The following ZNF667 variants were observed in gnomAD, a reference collection of about 807,000 sequenced individuals.
ZNF667 encodes the protein zinc finger protein 667, also known as myocardial ischemic preconditioning upregulated 1 ortholog.
In ZNF667, 13 loss-of-function variants were observed where a neutral mutation model predicts 31.8. The observed-to-expected ratio is 0.41, with a 90% CI of 0.27 to 0.65. The LOEUF is 0.65. Ranked by LOEUF, ZNF667 falls within the 30% of genes least tolerant of loss-of-function variation. The pLI, the probability that ZNF667 is intolerant of heterozygous loss-of-function variation, is 0.32. For synonymous variants in ZNF667, 228 were observed against 247.1 expected (o/e 0.92, Z 0.73); for missense variants, 642 against 725.6 (o/e 0.88, Z 1.32).
chr19:56,457,032 C>T (rs2042946538), intron 6 of ZNF667, among the ~76,000 whole-genome samples: 1 of 152,046 alleles, frequency 6.6e-6, no homozygotes, highest in Non-Finnish European at 1.5e-5. Context: ...GAGGTGGTGC[C>T]GTTTTCTCCC....
intron 5 of ZNF667, among the ~76,000 whole-genome samples, chr19:56,459,664 C>T (rs1242908384): frequency 6.6e-6 from 1 of 152,164 alleles, no homozygotes; most frequent in Non-Finnish European, 1.5e-5. Flanking sequence ...CACTATTCAC[C>T]TTTCAACAAC....
At chr19:56,462,265 G>T in intron 4 of ZNF667, 73 bp downstream of exon 4, 1 of 1,584,296 alleles carries the variant, frequency 6.3e-7, no homozygotes, top group Non-Finnish European at 8.7e-7. Context: ...AGTCTCCATG[G>T]AAGGAAAGCA....
At position 56,442,216 on chromosome 19, in the gene ZNF667, T is replaced by A. The variant is rs3760849; in HGVS notation, c.779A>T (p.Lys260Ile). 5.9e-5 allele frequency: 96 copies of A among 1,613,868 alleles called. No homozygotes were observed. Among genetic ancestry groups the A allele is most frequent in the Non-Finnish European group, 8.0e-5 (94 of 1,179,970 alleles). The change falls in exon 7 of 7, where the codon AAA becomes ATA. Residue 260 changes from lysine to isoleucine, a missense_variant. Coordinates refer to ENST00000504904, the MANE Select transcript of ZNF667 (RefSeq NM_001321356.2). ...AAGGGATGACATCTGATTGAAGGCT[T>A]TTCCGCACTTTCTGCACTGGCAGAC... ...GNVCQCRKCG[K>I]AFNQMSSLLL...
chr19:56,473,225 C>T (rs796939854), intron 2 of ZNF667, among the ~76,000 whole-genome samples: 5 of 152,174 alleles, frequency 3.3e-5, no homozygotes, highest in African/African-American at 4.8e-5. Context: ...TTAACTCTGC[C>T]GTCCGCTATC....
chr19:56,462,504 CACAG>C (rs763528882), intron 3 of ZNF667, 75 bp from the exon 4 acceptor site: 112 of 884,818 alleles, frequency 1.3e-4, no homozygotes, highest in South Asian at 2.1e-4. Context: ...CACACACACA[CACAG>C]ACACACATGC....
intron 6 of ZNF667, among the ~76,000 whole-genome samples, chr19:56,446,442 C>G (rs62121591): frequency 4.6e-5 from 7 of 152,020 alleles, no homozygotes; most frequent in African/African-American, 1.7e-4. Context: ...TGAGGCTATT[C>G]ATAGCCTCCA....
chr19:56,440,955 T>C lies in ZNF667; in HGVS notation c.*207A>G, dbSNP rs2042588021. ...CTTATCAAATGAAAAATGATCTTCATTCACAATGACTGACCAAACTTCTGA... is the reference window on the plus strand; with the variant it reads ...CTTATCAAATGAAAAATGATCTTCACTCACAATGACTGACCAAACTTCTGA... On this transcript the variant is annotated 3_prime_UTR_variant, in exon 7 of 7. Coordinates refer to ENST00000504904, the MANE Select transcript of ZNF667 (RefSeq NM_001321356.2). 4 of 1,392,908 alleles carry C rather than the reference T, an allele frequency of 2.9e-6. No individual in the cohort carries two copies. The highest frequency in any genetic ancestry group is 3.5e-5 in the South Asian group (2 of 56,782). 86.3% of individuals were successfully genotyped at this position (1,392,908 alleles called of 1,614,324 possible). A position where few individuals can be genotyped will look rare whatever the true frequency, so the allele number is the denominator to read the frequency against.
chr19:56,453,293 T>TA (rs1271265942), intron 6 of ZNF667, among the ~76,000 whole-genome samples: 1 of 151,938 alleles, frequency 6.6e-6, no homozygotes, highest in African/African-American at 2.4e-5. Flanking sequence ...ACCAAATACT[T>TA]AAAAAAACCT....
At chr19:56,462,249 G>A in intron 4 of ZNF667, 89 bp downstream of exon 4, 1 of 1,524,018 alleles carries the variant, frequency 6.6e-7, no homozygotes, top group Non-Finnish European at 9.1e-7. Flanking sequence ...TCTCCAACAG[G>A]CAACAAGTCT....
At chr19:56,470,204 C>A in intron 3 of ZNF667, 1 of 361,598 alleles carries the variant, frequency 2.8e-6, no homozygotes, top group Non-Finnish European at 5.5e-6. Context: ...ACTCTATTTA[C>A]CCTCACTGCT....
rs754560967 is a variant in ZNF667 at position 56,442,433 on chromosome 19, G to C, written c.562C>G (p.Leu188Val). Residue 188 changes from leucine to valine, a missense_variant, in exon 7 of 7, where the codon CTA becomes GTA. By Grantham distance (32) the Leu-to-Val change is conservative (BLOSUM62 1). Transcript: ENST00000504904. ...RKAFRQISSILLHQRIHSGKK... is the reference protein window; with the variant it reads ...RKAFRQISSIVLHQRIHSGKK... Reference sequence around the variant, plus strand: ...CCACTGTGAATTCTCTGATGAAGTAGGATGGATGAGATCTGTCTGAAAGCT... The same window carrying C: ...CCACTGTGAATTCTCTGATGAAGTACGATGGATGAGATCTGTCTGAAAGCT... 6.2e-7 allele frequency: 1 copy of C among 1,614,098 alleles called. No individual in the cohort carries two copies. The highest frequency in any genetic ancestry group is 1.7e-5 in the Admixed American group (1 of 60,014).
intron 6 of ZNF667, chr19:56,444,394 TC>T: frequency 2.5e-6 from 1 of 394,948 alleles, no homozygotes; most frequent in East Asian, 3.6e-5. Context: ...TAAGAATCAC[TC>T]CCTATTGCTA....
chr19:56,450,147 T>A (rs1183424232), intron 6 of ZNF667, among the ~76,000 whole-genome samples: 1 of 151,892 alleles, frequency 6.6e-6, no homozygotes, highest in Non-Finnish European at 1.5e-5. Context: ...GCAGCTTTAA[T>A]CCAAAGAAGG....
intron 3 of ZNF667, among the ~76,000 whole-genome samples, chr19:56,466,077 T>C (rs974183353): frequency 6.6e-6 from 1 of 152,202 alleles, no homozygotes; most frequent in Admixed American, 6.5e-5. Context: ...GCACCTCGCA[T>C]GTGTTGTTCT....
At position 56,440,100 on chromosome 19, in the gene ZNF667, G is replaced by A. The variant is rs1200629873; in HGVS notation, c.*1062C>T. 1 of 152,168 alleles carries A rather than the reference G, an allele frequency of 6.6e-6. No homozygotes were observed. The highest frequency in any genetic ancestry group is 6.5e-5 in the Admixed American group (1 of 15,276). 9.4% of individuals were successfully genotyped at this position (152,168 alleles called of 1,614,324 possible). A position where few individuals can be genotyped will look rare whatever the true frequency, so the allele number is the denominator to read the frequency against. On this transcript the variant is annotated 3_prime_UTR_variant, in exon 7 of 7. Transcript: ENST00000504904. ...AGGATTTTAACATAATTAGTTTTGG[G>A]AGGGACATAAACATTCAGTCCATAA...
intron 3 of ZNF667, among the ~76,000 whole-genome samples, chr19:56,470,930 T>C (rs1003427818): frequency 6.6e-6 from 1 of 152,158 alleles, no homozygotes; most frequent in Non-Finnish European, 1.5e-5. Flanking sequence ...GGGTGATTTA[T>C]AGTGTTTACA....
chr19:56,450,094 A>T (rs2042789672), intron 6 of ZNF667, among the ~76,000 whole-genome samples: 2 of 152,112 alleles, frequency 1.3e-5, no homozygotes, highest in Non-Finnish European at 2.9e-5. Context: ...AAACCTGGAG[A>T]AAGATGTCAA....
At chr19:56,476,729 T>C (rs934050017) in intron 1 of ZNF667, among the ~76,000 whole-genome samples, 1 of 152,172 alleles carries the variant, frequency 6.6e-6, no homozygotes, top group East Asian at 1.9e-4. Context: ...TACAGTGAGA[T>C]ATACACCAGA....
chr19:56,451,089 T>C (rs183064182), intron 6 of ZNF667, among the ~76,000 whole-genome samples: 1 of 151,752 alleles, frequency 6.6e-6, no homozygotes, highest in Non-Finnish European at 1.5e-5. Context: ...ATAAGAAACA[T>C]GATTTGCCTA....
Sources: gnomAD v4.1 joint callset for allele counts (sites outside exome capture counted in the v4.1 genomes callset) on GRCh38, gnomAD v4.1.1 for gene constraint, MANE v1.5 for transcripts, NCBI Gene and HGNC (gene_info 2026-07-23, HGNC 2026-07-21) for gene names.